Variants in CLYBL observed in about 807,000 individuals in gnomAD.
The protein encoded by CLYBL is citramalyl-CoA lyase, also known as citramalyl-CoA lyase, mitochondrial.
Under a neutral mutation model 38.9 loss-of-function variants are expected in CLYBL, and 31 were observed. The ratio of observed to expected loss-of-function variants is 0.80; its 90% CI spans 0.60 to 1.08. CLYBL has a LOEUF of 1.08. CLYBL is among the 50% of genes least tolerant of loss of function. CLYBL has a pLI of 0.00. For missense variants in CLYBL, 434 were observed against 411.6 expected (o/e 1.05, Z -0.47); for synonymous variants, 171 against 158.6 (o/e 1.08, Z -0.59).
At chr13:99,726,681 G>C (rs1231876071) in intron 1 of CLYBL, 1 of 152,370 alleles carries the variant, frequency 6.6e-6, no homozygotes, top group Non-Finnish European at 1.5e-5. Flanking sequence ...GGCTGGCACA[G>C]GCCTGGCCCT....
At chr13:99,805,626 G>A (rs1005622578) in intron 2 of CLYBL, among the ~76,000 whole-genome samples, 1 of 151,620 alleles carries the variant, frequency 6.6e-6, no homozygotes, top group South Asian at 2.1e-4. Context: ...GTGCCTGCAG[G>A]GATTATTTCG....
At chr13:99,673,128 CA>C (rs2047592200) in intron 1 of CLYBL, among the ~76,000 whole-genome samples, 1 of 152,010 alleles carries the variant, frequency 6.6e-6, no homozygotes, top group African/African-American at 2.4e-5. Flanking sequence ...AAAGGTGCAA[CA>C]GGGGCCAGGC....
chr13:99,810,008 C>T (rs538123089), intron 2 of CLYBL, among the ~76,000 whole-genome samples: 2 of 152,336 alleles, frequency 1.3e-5, no homozygotes, highest in South Asian at 4.1e-4. Context: ...AATGTCCATT[C>T]TACATTAGAA....
chr13:99,862,308 A>G (rs2051623263), intron 3 of CLYBL, among the ~76,000 whole-genome samples: 1 of 152,048 alleles, frequency 6.6e-6, no homozygotes, highest in Non-Finnish European at 1.5e-5. Flanking sequence ...CCCCTTTTGA[A>G]GAGGGGGAGG....
At chr13:99,651,942 A>T (rs1221610310) in intron 1 of CLYBL, among the ~76,000 whole-genome samples, 1 of 150,734 alleles carries the variant, frequency 6.6e-6, no homozygotes, top group Non-Finnish European at 1.5e-5. Context: ...GGGGGGAAAA[A>T]AAGATTCTTG....
At chr13:99,755,789 ACTG>A (rs2049052436) in intron 1 of CLYBL, among the ~76,000 whole-genome samples, 1 of 152,056 alleles carries the variant, frequency 6.6e-6, no homozygotes, top group African/African-American at 2.4e-5. Flanking sequence ...CTCTCTAGTC[ACTG>A]TCACTGTCCT....
chr13:99,898,364 A>G (rs2052606213), downstream of CLYBL, among the ~76,000 whole-genome samples: 1 of 152,204 alleles, frequency 6.6e-6, no homozygotes, highest in South Asian at 2.1e-4. Context: ...AAAAAGGGGC[A>G]GGGGGATGGT....
chr13:99,834,953 C>G (rs1320534320), intron 2 of CLYBL, among the ~76,000 whole-genome samples: 1 of 152,206 alleles, frequency 6.6e-6, no homozygotes, highest in Admixed American at 6.5e-5. Flanking sequence ...ACACTTACCC[C>G]CAAATTCTAC....
At chr13:99,698,704 T>C (rs148213246) in intron 1 of CLYBL, among the ~76,000 whole-genome samples, 1 of 152,226 alleles carries the variant, frequency 6.6e-6, no homozygotes, top group Admixed American at 6.5e-5. Flanking sequence ...TATAAAGCCC[T>C]GGAAGATGAT....
At chr13:99,702,976 A>G (rs903689437) in intron 1 of CLYBL, among the ~76,000 whole-genome samples, 1 of 152,248 alleles carries the variant, frequency 6.6e-6, no homozygotes, top group Non-Finnish European at 1.5e-5. Flanking sequence ...ACCTTTCGGA[A>G]CCACGTGAAT....
chr13:99,707,198 CTT>C (rs1427723148), intron 1 of CLYBL, among the ~76,000 whole-genome samples: 1 of 152,158 alleles, frequency 6.6e-6, no homozygotes, highest in Non-Finnish European at 1.5e-5. Context: ...CTTCTTTAGA[CTT>C]TTTTCTTCCA....
At chr13:99,654,962 G>A (rs1189522171) in intron 1 of CLYBL, among the ~76,000 whole-genome samples, 4 of 152,068 alleles carry the variant, frequency 2.6e-5, no homozygotes, top group Non-Finnish European at 5.9e-5. Context: ...CCGAGATCGC[G>A]CTCCGAAGTC....
At chr13:99,735,836 C>T (rs2048657190) in intron 1 of CLYBL, among the ~76,000 whole-genome samples, 2 of 152,048 alleles carry the variant, frequency 1.3e-5, no homozygotes, top group South Asian at 4.2e-4. Flanking sequence ...GTACCTTTAT[C>T]TTAGCATACT....
At chr13:99,739,753 C>T (rs903178744) in intron 1 of CLYBL, among the ~76,000 whole-genome samples, 1 of 152,188 alleles carries the variant, frequency 6.6e-6, no homozygotes, top group Non-Finnish European at 1.5e-5. Context: ...GTGGGTGGAT[C>T]ACCTGAGGTC....
chr13:99,653,922 A>G (rs1025638422), intron 1 of CLYBL, among the ~76,000 whole-genome samples: 1 of 152,208 alleles, frequency 6.6e-6, no homozygotes, highest in African/African-American at 2.4e-5. Context: ...ATCTTCAAAT[A>G]CAATGACTTT....
chr13:99,806,626 A>G (rs2050237269), intron 2 of CLYBL, among the ~76,000 whole-genome samples: 1 of 152,208 alleles, frequency 6.6e-6, no homozygotes, highest in Non-Finnish European at 1.5e-5. Flanking sequence ...TACCTACTTC[A>G]TTAGATTATT....
intron 1 of CLYBL, among the ~76,000 whole-genome samples, chr13:99,771,012 G>T (rs1294238665): frequency 6.9e-6 from 1 of 144,538 alleles, no homozygotes; most frequent in Non-Finnish European, 1.5e-5. Context: ...AAGCCACCAC[G>T]CGGGGCCCTT....
chr13:99,884,682 G>T (rs920869171), intron 7 of CLYBL, among the ~76,000 whole-genome samples: 1 of 152,224 alleles, frequency 6.6e-6, no homozygotes, highest in Non-Finnish European at 1.5e-5. Context: ...CCCTGGGCCT[G>T]TGGCACGCCA....
At chr13:99,704,209 T>G (rs2048112328) in intron 1 of CLYBL, among the ~76,000 whole-genome samples, 1 of 152,236 alleles carries the variant, frequency 6.6e-6, no homozygotes, top group African/African-American at 2.4e-5. Flanking sequence ...AGATATCTTT[T>G]TCCTTTATCT....
Sources: allele counts gnomAD v4.1 joint callset (sites outside exome capture counted in the v4.1 genomes callset), GRCh38; gene constraint gnomAD v4.1.1; transcripts MANE v1.5; gene names NCBI Gene and HGNC (gene_info 2026-07-23, HGNC 2026-07-21).